MDGA2: variants seen among roughly 807,000 people sequenced by gnomAD.
The protein encoded by MDGA2 is MAM domain containing glycosylphosphatidylinositol anchor 2, also known as MAM domain-containing glycosylphosphatidylinositol anchor protein 2.
MDGA2 carries 40 observed loss-of-function variants against 117.8 expected under a neutral mutation model. The observed-to-expected ratio is 0.34, with a 90% confidence interval of 0.26 to 0.44. The LOEUF (loss-of-function observed/expected upper bound fraction) is 0.44, where lower values mean the gene tolerates loss of function less well. Ranked by LOEUF, MDGA2 falls within the 20% of genes least tolerant of loss-of-function variation. The pLI, the probability that MDGA2 is intolerant of heterozygous loss-of-function variation, is 1.00. For missense variants in MDGA2, 1,123 were observed against 1,250.6 expected, an observed-to-expected ratio of 0.90 and a Z score of 1.54; for synonymous variants, 452 against 439.0, an observed-to-expected ratio of 1.03 and a Z score of -0.37.
intron 3 of MDGA2, among the ~76,000 whole-genome samples, chr14:47,146,301 A>G (rs932692091): frequency 6.6e-6 from 1 of 152,140 alleles, no homozygotes; most frequent in Non-Finnish European, 1.5e-5. Context: ...TTCTTCCAAC[A>G]TCAGAATATT....
chr14:47,428,528 C>T (rs1314890146), intron 1 of MDGA2, among the ~76,000 whole-genome samples: 2 of 152,010 alleles, frequency 1.3e-5, no homozygotes, highest in African/African-American at 4.8e-5. Flanking sequence ...ATAAAAATGT[C>T]ACCTTAAAAT....
intron 5 of MDGA2, among the ~76,000 whole-genome samples, chr14:47,110,745 C>T (rs1216822915): frequency 6.6e-6 from 1 of 152,102 alleles, no homozygotes; most frequent in Non-Finnish European, 1.5e-5. Context: ...TAAAGGATTG[C>T]TTAGAGCAAG....
rs557265222 is a variant in MDGA2, at chr14:47,325,083, G to GA, written c.281-23534dup. ...AAAGTTGATAAGCGTAGGAGAAAGA[G>GA]AAAAAAAACTAGAACTAGTGTGTAA... On this transcript the variant is annotated intron_variant, in intron 1 of 16. Transcript: ENST00000399232. Among the ~76,000 whole-genome samples, 391 of 151,912 alleles carry GA rather than the reference G, an allele frequency of 2.6e-3. 2 individuals carry two copies. Among genetic ancestry groups the GA allele is most frequent in the African/African-American group, 9.2e-3 (381 of 41,466 alleles).
intron 8 of MDGA2, among the ~76,000 whole-genome samples, chr14:47,000,897 C>T (rs1279895875): frequency 6.6e-6 from 1 of 151,818 alleles, no homozygotes; most frequent in Non-Finnish European, 1.5e-5. Flanking sequence ...TAGTTTGATT[C>T]TAAAACTAAG....
chr14:47,176,914 C>G (rs1647220409), intron 3 of MDGA2, among the ~76,000 whole-genome samples: 2 of 152,048 alleles, frequency 1.3e-5, no homozygotes, highest in Admixed American at 6.6e-5. Context: ...TGACAAAGGG[C>G]TAATGTCCAG....
At chr14:47,549,724 C>G (rs147921998) in intron 1 of MDGA2, among the ~76,000 whole-genome samples, 2 of 152,158 alleles carry the variant, frequency 1.3e-5, no homozygotes, top group Non-Finnish European at 2.9e-5. Flanking sequence ...GACTGGTTGT[C>G]CTTATAAGCA....
At chr14:47,592,818 T>C (rs886247087) in intron 1 of MDGA2, among the ~76,000 whole-genome samples, 1 of 152,146 alleles carries the variant, frequency 6.6e-6, no homozygotes, top group Non-Finnish European at 1.5e-5. Context: ...ATCTGGGACA[T>C]AGGCATGGGC....
chr14:47,609,606 T>C (rs557071487), intron 1 of MDGA2, among the ~76,000 whole-genome samples: 11 of 151,080 alleles, frequency 7.3e-5, no homozygotes, highest in African/African-American at 2.4e-4. Flanking sequence ...AGATACCCAG[T>C]AGTGGGATTG....
At chr14:47,003,915 T>G (rs1015623151) in intron 8 of MDGA2, among the ~76,000 whole-genome samples, 5 of 151,872 alleles carry the variant, frequency 3.3e-5, no homozygotes, top group African/African-American at 1.2e-4. Flanking sequence ...TTAGATACAA[T>G]GCCCAAAACA....
At chr14:47,055,043 C>A (rs541701500) in intron 7 of MDGA2, among the ~76,000 whole-genome samples, 1 of 148,014 alleles carries the variant, frequency 6.8e-6, no homozygotes, top group Admixed American at 6.8e-5. Context: ...CTCTGTCACC[C>A]AGGCAATTTT....
chr14:47,215,953 A>C (rs1886071289), intron 3 of MDGA2, among the ~76,000 whole-genome samples: 1 of 152,158 alleles, frequency 6.6e-6, no homozygotes, highest in Admixed American at 6.6e-5. Flanking sequence ...AAGGTAACAA[A>C]ATAAATGTCT....
intron 15 of MDGA2, among the ~76,000 whole-genome samples, chr14:46,848,576 C>A (rs1880934480): frequency 6.6e-6 from 1 of 150,994 alleles, no homozygotes; most frequent in Admixed American, 6.6e-5. Flanking sequence ...TATTAATTTT[C>A]TTTTTCATCC....
chr14:47,560,203 G>A (rs2138796403), intron 1 of MDGA2, among the ~76,000 whole-genome samples: 1 of 151,954 alleles, frequency 6.6e-6, no homozygotes, highest in Middle Eastern at 3.4e-3. Flanking sequence ...GAGTAGCTGG[G>A]ACTACAGGCG....
intron 3 of MDGA2, among the ~76,000 whole-genome samples, chr14:47,154,626 G>A (rs1394278085): frequency 1.3e-5 from 2 of 150,162 alleles, no homozygotes; most frequent in East Asian, 3.9e-4. Flanking sequence ...GCGCTGTCAA[G>A]ACCAGGCCTG....
chr14:47,198,766 A>G (rs1885384542), intron 3 of MDGA2, among the ~76,000 whole-genome samples: 1 of 152,160 alleles, frequency 6.6e-6, no homozygotes, highest in Admixed American at 6.5e-5. Context: ...ATGAAGAATA[A>G]ACTCTCAAAT....
chr14:47,001,693 A>G (rs879409832), intron 8 of MDGA2, among the ~76,000 whole-genome samples: 7 of 152,132 alleles, frequency 4.6e-5, no homozygotes, highest in Non-Finnish European at 8.8e-5. Flanking sequence ...TAAAGAATCC[A>G]CATTACCCCA....
chr14:46,982,997 T>G (rs1411575726), intron 8 of MDGA2, among the ~76,000 whole-genome samples: 1 of 152,140 alleles, frequency 6.6e-6, no homozygotes, highest in Non-Finnish European at 1.5e-5. Flanking sequence ...ACCTAATTTA[T>G]TGAGAGTTTT....
chr14:47,345,942 G>A (rs1325896985), intron 1 of MDGA2, among the ~76,000 whole-genome samples: 2 of 152,030 alleles, frequency 1.3e-5, no homozygotes, highest in East Asian at 1.9e-4. Context: ...GAAGGGAAGA[G>A]GGAAGGGAGG....
rs575019872 is a variant in MDGA2 at position 47,301,439 on chromosome 14, C to G, written c.392G>C (p.Cys131Ser). Residue 131 changes from cysteine (C) to serine (S), a missense_variant, in exon 2 of 17, where the codon TGT becomes TCT. Physicochemically the swap from Cys to Ser is moderately radical, Grantham distance 112. This residue lies in a region of MDGA2 where 233 missense variants were observed against 200.3 expected (regional missense o/e 1.16). Transcript: ENST00000399232. ...IREGETLELT[C>S]LVTGHPRPQI... The stretch of plus-strand genomic sequence containing the variant: ...TGGACGTGGATGTCCTGTGACTAGA[C>G]AAGTCAACTCAAGGGTTTCTCCTTC... 22 of 1,551,840 alleles carry G rather than the reference C, an allele frequency of 1.4e-5. No individual in the cohort carries two copies. In the African/African-American group the frequency reaches 1.8e-4, roughly 13 times the overall value.
Sources: allele counts gnomAD v4.1 joint callset (sites outside exome capture counted in the v4.1 genomes callset), GRCh38; gene constraint gnomAD v4.1.1; regional missense constraint gnomAD v4.1.1; transcripts MANE v1.5; gene names NCBI Gene and HGNC (gene_info 2026-07-23, HGNC 2026-07-21).